The following DNAH9 variants were observed in gnomAD, a reference collection of about 807,000 sequenced individuals.
The protein encoded by DNAH9 is dynein axonemal heavy chain 9.
In DNAH9, 345 loss-of-function variants were observed where a neutral mutation model predicts 471.6. The observed-to-expected ratio is 0.73, with a 90% CI of 0.67 to 0.80. The LOEUF (loss-of-function observed/expected upper bound fraction) is 0.80. Among genes scored for constraint, DNAH9 ranks in the 30% least tolerant of loss-of-function variants. The probability of loss-of-function intolerance (pLI) is 0.00; values close to 1 mark genes in which losing one functional copy is unlikely to be tolerated. For synonymous variants in DNAH9, 2,093 were observed against 2,123.6 expected (o/e 0.99, Z 0.40); for missense variants, 5,407 against 5,609.2 (o/e 0.96, Z 1.15).
At chr17:11,756,513 C>A in intron 33 of DNAH9, 55 bp from the exon 34 acceptor site, 2 of 990,762 alleles carry the variant, frequency 2.0e-6, no homozygotes, top group Non-Finnish European at 3.3e-6. Context: ...TCCCCACAGG[C>A]TGGCAAGGCA....
At position 11,868,968 on chromosome 17, in the gene DNAH9, C is replaced by T. The variant is rs59647695; in HGVS notation, c.9934-166C>T. Among the ~76,000 whole-genome samples the T allele has an allele frequency of 0.25, 38,671 of 152,032 alleles. 6,327 individuals carry two copies. The highest frequency in any genetic ancestry group is 0.37 in the Non-Finnish European group (25,333 of 67,936). The stretch of plus-strand genomic sequence containing the variant: ...GCTAGGACCCGCCTGAGATCTTCCC[C>T]GAATGTGCTTTCATTTCGTTCTCTG... On this transcript the variant is annotated intron_variant, in intron 50 of 68. Coordinates refer to ENST00000262442, the MANE Select transcript of DNAH9 (RefSeq NM_001372.4).
At chr17:11,649,552 T>C (rs1391800351) in intron 12 of DNAH9, among the ~76,000 whole-genome samples, 1 of 152,190 alleles carries the variant, frequency 6.6e-6, no homozygotes. Context: ...AGGATAAAAG[T>C]CCAGAAATGG....
chr17:11,697,106 C>G (rs1189517742), intron 22 of DNAH9, among the ~76,000 whole-genome samples: 2 of 152,184 alleles, frequency 1.3e-5, no homozygotes, highest in Non-Finnish European at 2.9e-5. Flanking sequence ...ATCCTCCCGT[C>G]TTGGCCTCCC....
chr17:11,680,641 C>A, intron 18 of DNAH9, 82 bp from the exon 19 acceptor site: 2 of 1,177,346 alleles, frequency 1.7e-6, no homozygotes, highest in Admixed American at 3.7e-5. Flanking sequence ...CAGATGGAAG[C>A]ATCTGGGCTC....
intron 59 of DNAH9, among the ~76,000 whole-genome samples, chr17:11,899,780 T>C (rs1034359563): frequency 6.6e-6 from 1 of 152,084 alleles, no homozygotes; most frequent in African/African-American, 2.4e-5. Flanking sequence ...GAGAAATAAT[T>C]ACAGCAGCTG....
intron 28 of DNAH9, among the ~76,000 whole-genome samples, chr17:11,730,875 A>AATG (rs543797558): frequency 1.3e-5 from 2 of 149,704 alleles, no homozygotes; most frequent in Non-Finnish European, 3.0e-5. Context: ...TGATGATTCT[A>AATG]ATGATGATGA....
chr17:11,846,945 T>C (rs1971245950), intron 49 of DNAH9, among the ~76,000 whole-genome samples: 1 of 149,744 alleles, frequency 6.7e-6, no homozygotes, highest in African/African-American at 2.5e-5. Context: ...TCATGTCGTC[T>C]GCAAACAGGG....
At position 11,611,665 on chromosome 17, in the gene DNAH9, A is replaced by G; in HGVS notation, c.789A>G (p.Lys263=). 6.2e-7 allele frequency: 1 copy of G among 1,614,150 alleles called. No homozygotes were observed. Among genetic ancestry groups the G allele is most frequent in the Non-Finnish European group, 8.5e-7 (1 of 1,179,964 alleles). The change falls in exon 4 of 69, where the codon AAA becomes AAG. Residue 263 remains lysine, a synonymous_variant. Coordinates refer to ENST00000262442, the MANE Select transcript of DNAH9 (RefSeq NM_001372.4). ...EFWKSRYEDL[K]YIYNQLRTIT... The stretch of plus-strand genomic sequence containing the variant: ...GATATTGCAGGTATGAAGATCTGAA[A>G]TACATCTATAATCAACTGAGAACAA...
chr17:11,662,303 A>G (rs1208779842), intron 14 of DNAH9, among the ~76,000 whole-genome samples: 1 of 152,086 alleles, frequency 6.6e-6, no homozygotes, highest in Non-Finnish European at 1.5e-5. Context: ...TGTGTTCTTC[A>G]TGCTTGGAGT....
Position 11,932,001 on chromosome 17 carries a change from A to G in DNAH9, c.12106-13A>G. The G allele has an allele frequency of 1.2e-6, 2 of 1,613,028 alleles. No individual in the cohort carries two copies. The highest frequency in any genetic ancestry group is 8.5e-7 in the Non-Finnish European group (1 of 1,179,348). ...GTTGTGTGCGAACCTTAAAAGCGACACTCTCATTTCAGGACACTCTGGAGA... is the reference window on the plus strand; with the variant it reads ...GTTGTGTGCGAACCTTAAAAGCGACGCTCTCATTTCAGGACACTCTGGAGA... On this transcript the variant is annotated splice_polypyrimidine_tract_variant and intron_variant, in intron 63 of 68. Transcript: ENST00000262442. The surrounding 1 kb of genome is among the most constrained non-coding windows in gnomAD (Gnocchi z 4.3).
At position 11,820,616 on chromosome 17, in the gene DNAH9, T is replaced by G. The variant is rs1412125830; in HGVS notation, c.8708-1304T>G. 5.5e-4 allele frequency among the ~76,000 whole-genome samples: 83 copies of G among 152,150 alleles called. 1 individual carries two copies. Among genetic ancestry groups the G allele is most frequent in the Admixed American group, 5.4e-3 (82 of 15,272 alleles). On this transcript the variant is annotated intron_variant, in intron 45 of 68. Transcript: ENST00000262442. The stretch of plus-strand genomic sequence containing the variant: ...CACCATGAACTTTCTTTTCCTCTCC[T>G]TCACCCCATCTATCTATTGAATTAT...
intron 36 of DNAH9, among the ~76,000 whole-genome samples, chr17:11,766,940 G>A (rs1393025105): frequency 1.3e-5 from 2 of 148,624 alleles, no homozygotes; most frequent in Non-Finnish European, 3.0e-5. Context: ...CTGCCCTCCA[G>A]CCTGGGCAAC....
intron 67 of DNAH9, among the ~76,000 whole-genome samples, chr17:11,944,046 T>C (rs1035351504): frequency 2.6e-5 from 4 of 152,238 alleles, no homozygotes; most frequent in African/African-American, 9.6e-5. Flanking sequence ...ATTCATTCAC[T>C]CATTTTTCTT....
In DNAH9 at chr17:11,735,544, T is replaced by C. The variant is rs973424230; in HGVS notation, c.5815-3336T>C. Among the ~76,000 whole-genome samples, 3 of 152,128 alleles carry C rather than the reference T, an allele frequency of 2.0e-5. No homozygotes were observed. The East Asian group carries it at 5.8e-4, about 29-fold the overall frequency. ...TCTGCCTCCCAGGTTCAAGCGATTC[T>C]CCTGCCTCCGCCTCCCAAGTAGCTG... On this transcript the variant is annotated intron_variant, in intron 28 of 68. Transcript: ENST00000262442.
chr17:11,909,781 C>T (rs1049943658), intron 61 of DNAH9, among the ~76,000 whole-genome samples: 1 of 152,038 alleles, frequency 6.6e-6, no homozygotes, highest in Non-Finnish European at 1.5e-5. Flanking sequence ...ATACAATTCA[C>T]CCATTTAAAG....
chr17:11,868,846 C>T (rs146411320), intron 50 of DNAH9, among the ~76,000 whole-genome samples: 14 of 152,206 alleles, frequency 9.2e-5, no homozygotes, highest in South Asian at 2.1e-4. Context: ...TCGATGACTG[C>T]GGTGGTGGGG....
chr17:11,909,985 G>A (rs1434311740), intron 61 of DNAH9, among the ~76,000 whole-genome samples: 1 of 152,108 alleles, frequency 6.6e-6, no homozygotes, highest in African/African-American at 2.4e-5. Context: ...GGCTGGGCGT[G>A]GTGGCTCACG....
intron 54 of DNAH9, 94 bp downstream of exon 54, chr17:11,880,294 C>G: frequency 4.0e-6 from 6 of 1,506,914 alleles, no homozygotes; most frequent in South Asian, 1.2e-5. Context: ...AGAATTTCCT[C>G]TCTTCAGTTC....
intron 18 of DNAH9, among the ~76,000 whole-genome samples, chr17:11,680,435 C>G (rs2074114752): frequency 6.6e-6 from 1 of 152,166 alleles, no homozygotes; most frequent in South Asian, 2.1e-4. Context: ...ATCTAAAAGT[C>G]TCTTTAGCAT....
Sources: allele counts gnomAD v4.1 joint callset (sites outside exome capture counted in the v4.1 genomes callset), GRCh38; gene constraint gnomAD v4.1.1; non-coding constraint Gnocchi (gnomAD v3.1); transcripts MANE v1.5; gene names NCBI Gene and HGNC (gene_info 2026-07-23, HGNC 2026-07-21).